The following RASGRF1 variants were observed in gnomAD, a reference collection of about 807,000 sequenced individuals.
The protein encoded by RASGRF1 is ras-specific guanine nucleotide-releasing factor 1.
RASGRF1 carries 40 observed loss-of-function variants against 138.7 expected under a neutral mutation model. The observed-to-expected ratio is 0.29, with a 90% CI of 0.22 to 0.38. The LOEUF (loss-of-function observed/expected upper bound fraction) is 0.38, where lower values mean the gene tolerates loss of function less well. RASGRF1 is among the 10% of genes least tolerant of loss of function. The pLI, the probability that RASGRF1 is intolerant of heterozygous loss-of-function variation, is 1.00. For missense variants in RASGRF1, 1,108 were observed against 1,650.4 expected, an observed-to-expected ratio of 0.67 and a Z score of 5.69; for synonymous variants, 614 against 663.2, an observed-to-expected ratio of 0.93 and a Z score of 1.14.
At chr15:79,065,714 G>A (rs528366010) in intron 1 of RASGRF1, among the ~76,000 whole-genome samples, 131 of 152,200 alleles carry the variant, frequency 8.6e-4, no homozygotes, top group African/African-American at 3.0e-3. Flanking sequence ...TAGGTCTGCT[G>A]TTCAGAGGAT....
At chr15:79,042,881 A>G (rs979617063) in intron 5 of RASGRF1, among the ~76,000 whole-genome samples, 2 of 152,238 alleles carry the variant, frequency 1.3e-5, no homozygotes, top group African/African-American at 4.8e-5. Context: ...TTAAGGTCAC[A>G]AAAAATAGTT....
intron 4 of RASGRF1, 21 bp downstream of exon 4, chr15:79,049,475 A>C: frequency 6.2e-7 from 1 of 1,611,316 alleles, no homozygotes; most frequent in Non-Finnish European, 8.5e-7. Context: ...AAAGAAGGCC[A>C]CCCAGAGGGA....
chr15:79,006,596 TTC>T lies in RASGRF1; in HGVS notation c.1827-164_1827-163del, dbSNP rs2056679620. ...GATGACACTGAAGGAGGGCTACAAC[TTC>T]TTTTTCCCAATATCCTAAAAACTCT... On this transcript the variant is annotated intron_variant, in intron 13 of 26. Coordinates refer to ENST00000558480, the MANE Select transcript of RASGRF1 (RefSeq NM_001145648.3). This position sits in a 1 kb window ranked among gnomAD's most constrained non-coding sequence, Gnocchi z 4.0. 6.6e-6 allele frequency among the ~76,000 whole-genome samples: 1 copy of T among 152,176 alleles called. No homozygotes were observed. The highest frequency in any genetic ancestry group is 2.4e-5 in the African/African-American group (1 of 41,424).
Position 79,032,012 on chromosome 15 carries a change from C to G in RASGRF1, c.1152+111G>C. ...TGGCCCTGACCACCTCCCCCGCCCCCTTTGGCAGCCCAGAGCTGGGGTGCG... is the reference window on the plus strand; with the variant it reads ...TGGCCCTGACCACCTCCCCCGCCCCGTTTGGCAGCCCAGAGCTGGGGTGCG... On this transcript the variant is annotated intron_variant, in intron 7 of 26. Transcript: ENST00000558480. This position sits in a 1 kb window ranked among gnomAD's most constrained non-coding sequence, Gnocchi z 4.5. 2 of 1,334,584 alleles carry G rather than the reference C, an allele frequency of 1.5e-6. No homozygotes were observed. The highest frequency in any genetic ancestry group is 2.4e-5 in the Admixed American group (1 of 42,370). The allele number at this position is 1,334,584 out of a possible 1,614,324, so 82.7% of individuals were successfully genotyped here.
Position 78,987,039 on chromosome 15 carries a change from TC to T in RASGRF1, c.3217-1836del, listed in dbSNP as rs539112154. Among the ~76,000 whole-genome samples the T allele has an allele frequency of 5.3e-5, 8 of 152,318 alleles. No homozygotes were observed. The South Asian group carries it at 1.7e-3, about 32-fold the overall frequency. On this transcript the variant is annotated intron_variant, in intron 22 of 26. Coordinates refer to ENST00000558480, the MANE Select transcript of RASGRF1 (RefSeq NM_001145648.3). ...GAGAAGAAGGATAAAAGGAATATCT[TC>T]CAGTTTATTCTATGAAGCCAGTATT...
At position 79,024,062 on chromosome 15, in the gene RASGRF1, T is replaced by C. The variant is rs527650473; in HGVS notation, c.1542+1252A>G. On this transcript the variant is annotated intron_variant, in intron 10 of 26. Coordinates refer to ENST00000558480, the MANE Select transcript of RASGRF1 (RefSeq NM_001145648.3). ...ACAAACACACACACACACATACACA[T>C]ACACACACATATACACACCACACAT... Among the ~76,000 whole-genome samples, 984 of 139,000 alleles carry C rather than the reference T, an allele frequency of 7.1e-3. 5 individuals are homozygous for C. The highest frequency in any genetic ancestry group is 0.012 in the African/African-American group (416 of 36,116). 91.2% of individuals were successfully genotyped at this position (139,000 alleles called of 152,430 possible). A position where few individuals can be genotyped will look rare whatever the true frequency, so the allele number is the denominator to read the frequency against.
At chr15:78,984,208 G>A (rs1349950259) in intron 23 of RASGRF1, among the ~76,000 whole-genome samples, 1 of 152,192 alleles carries the variant, frequency 6.6e-6, no homozygotes, top group Non-Finnish European at 1.5e-5. Flanking sequence ...GCGTCAGGAT[G>A]ACAGACACTG....
chr15:79,015,449 T>C, intron 12 of RASGRF1, 40 bp from the exon 13 acceptor site: 7 of 1,566,348 alleles, frequency 4.5e-6, no homozygotes, highest in Non-Finnish European at 6.2e-6. Flanking sequence ...GAGCTCTCCA[T>C]TCCTGGACCC....
intron 19 of RASGRF1, among the ~76,000 whole-genome samples, chr15:78,996,147 C>T (rs577018906): frequency 4.6e-5 from 7 of 152,218 alleles, no homozygotes; most frequent in Non-Finnish European, 8.8e-5. Context: ...ATTCAGCAGG[C>T]GCTCCTGCGA....
intron 6 of RASGRF1, among the ~76,000 whole-genome samples, chr15:79,033,581 C>CTTTTTTTTTTTTTTT (rs71148586): frequency 2.1e-4 from 20 of 93,968 alleles, no homozygotes; most frequent in African/African-American, 4.4e-4. Context: ...TTTTTCTTTT[C>CTTTTTTTTTTTTTTT]TTTTTTTTTT....
chr15:78,979,902 G>T (rs2055981979), intron 24 of RASGRF1, among the ~76,000 whole-genome samples: 1 of 152,250 alleles, frequency 6.6e-6, no homozygotes, highest in South Asian at 2.1e-4. Context: ...TTGCCCCCTA[G>T]TGGACATTTG....
At chr15:79,012,578 TG>T in intron 13 of RASGRF1, 1 of 1,612,002 alleles carries the variant, frequency 6.2e-7, no homozygotes, top group East Asian at 2.2e-5. Flanking sequence ...TCCTTGAAGT[TG>T]TAAGTTTAAT....
chr15:78,978,219 TG>T (rs1446179429), intron 24 of RASGRF1, among the ~76,000 whole-genome samples: 3,887 of 66,928 alleles, frequency 0.058, 237 homozygotes, highest in African/African-American at 0.14. Context: ...TCTTTTCTTT[TG>T]TTTTTTTTTT....
intron 2 of RASGRF1, among the ~76,000 whole-genome samples, chr15:79,059,981 CAGACACACAG>C (rs1385866884): frequency 0.025 from 210 of 8,434 alleles, 1 homozygote; most frequent in African/African-American, 0.12. Context: ...CACACACACA[CAGACACACAG>C]ACACACACAC....
At position 79,078,147 on chromosome 15, in the gene RASGRF1, G is replaced by GTGTGTGTGTGTGTGTGCATGTGTC. The variant is rs149304846; in HGVS notation, c.276+12075_276+12076insGACACATGCACACACACACACACA. Among the ~76,000 whole-genome samples, 619 of 149,860 alleles carry GTGTGTGTGTGTGTGTGCATGTGTC rather than the reference G, an allele frequency of 4.1e-3. 5 individuals are homozygous for GTGTGTGTGTGTGTGTGCATGTGTC. Among genetic ancestry groups the GTGTGTGTGTGTGTGTGCATGTGTC allele is most frequent in the Middle Eastern group, 0.024 (7 of 292 alleles). On this transcript the variant is annotated intron_variant, in intron 1 of 26. Transcript: ENST00000558480. ...CAGAGAACCTGGTGTGTGTGTGTGT[G>GTGTGTGTGTGTGTGTGCATGTGTC]TGTGTGCATGCATGTGCGTATGTGT...
At chr15:79,070,453 G>T (rs2057740277) in intron 1 of RASGRF1, among the ~76,000 whole-genome samples, 1 of 152,186 alleles carries the variant, frequency 6.6e-6, no homozygotes, top group Non-Finnish European at 1.5e-5. Flanking sequence ...TAAAGAAGTG[G>T]CCTTAATAAT....
chr15:78,972,537 G>A (rs7161837), intron 25 of RASGRF1, among the ~76,000 whole-genome samples: 2,840 of 151,484 alleles, frequency 0.019, 98 homozygotes, highest in African/African-American at 0.066. Context: ...AACATCACTA[G>A]AACAAAACCC....
intron 6 of RASGRF1, among the ~76,000 whole-genome samples, chr15:79,034,007 T>A (rs1042213231): frequency 1.3e-5 from 2 of 152,240 alleles, no homozygotes; most frequent in Non-Finnish European, 1.5e-5. Context: ...TCTTCAACAA[T>A]GCAACTGCAG....
intron 3 of RASGRF1, among the ~76,000 whole-genome samples, chr15:79,055,514 C>A (rs146241621): frequency 2.0e-5 from 3 of 152,118 alleles, no homozygotes; most frequent in African/African-American, 7.2e-5. Flanking sequence ...CTAATACACT[C>A]AATTGGAAGC....
Sources: gnomAD v4.1 joint callset for allele counts (sites outside exome capture counted in the v4.1 genomes callset) on GRCh38, gnomAD v4.1.1 for gene constraint, Gnocchi (gnomAD v3.1) non-coding constraint, MANE v1.5 for transcripts, NCBI Gene and HGNC (gene_info 2026-07-23, HGNC 2026-07-21) for gene names.